DLG2: variants seen among roughly 807,000 people sequenced by gnomAD.
DLG2 encodes disks large homolog 2.
A neutral mutation model predicts 132.5 loss-of-function variants in DLG2; 45 were observed. The ratio of observed to expected loss-of-function variants is 0.34; its 90% CI spans 0.27 to 0.44. DLG2 has a LOEUF of 0.44. DLG2 is among the 20% of genes least tolerant of loss of function. The pLI is 1.00. For missense variants in DLG2, 1,045 were observed against 1,196.9 expected, an observed-to-expected ratio of 0.87 and a Z score of 1.87; for synonymous variants, 424 against 419.6, an observed-to-expected ratio of 1.01 and a Z score of -0.13.
At chr11:85,137,967 C>A (rs961344078) in intron 5 of DLG2, among the ~76,000 whole-genome samples, 1 of 151,846 alleles carries the variant, frequency 6.6e-6, no homozygotes, top group African/African-American at 2.4e-5. Flanking sequence ...AGTAATGGAT[C>A]CCGAAAATAA....
chr11:83,790,099 C>A, intron 17 of DLG2: 1 of 983,560 alleles, frequency 1.0e-6, no homozygotes, highest in Non-Finnish European at 1.5e-6. Flanking sequence ...CCTGCATGAA[C>A]CGAGACACTG....
chr11:83,865,456 C>T (rs377497259), intron 16 of DLG2, among the ~76,000 whole-genome samples: 1,629 of 100,176 alleles, frequency 0.016, 29 homozygotes, highest in African/African-American at 0.069. Context: ...TGGTGAACAG[C>T]GAAAAAAAAA....
intron 6 of DLG2, among the ~76,000 whole-genome samples, chr11:84,929,111 GC>G (rs1432991949): frequency 1.4e-5 from 2 of 147,836 alleles, no homozygotes; most frequent in Non-Finnish European, 3.0e-5. Flanking sequence ...CCTTACATAA[GC>G]CCTAAAGATA....
chr11:83,637,612 T>C (rs1340655009), intron 18 of DLG2, among the ~76,000 whole-genome samples: 1 of 152,172 alleles, frequency 6.6e-6, no homozygotes, highest in African/African-American at 2.4e-5. Flanking sequence ...TTTGTTTCCA[T>C]GACATCATGA....
chr11:83,822,664 G>A (rs554518946), intron 17 of DLG2, among the ~76,000 whole-genome samples: 6 of 152,328 alleles, frequency 3.9e-5, no homozygotes, highest in African/African-American at 1.4e-4. Flanking sequence ...AGTGGCCAGT[G>A]GTGACAGCCC....
chr11:83,552,569 G>A (rs1320338164), intron 19 of DLG2, among the ~76,000 whole-genome samples: 1 of 152,104 alleles, frequency 6.6e-6, no homozygotes, highest in Non-Finnish European at 1.5e-5. Context: ...TAGCACATCT[G>A]CCCACCCCTA....
chr11:85,520,377 C>G (rs755677938), intron 3 of DLG2, among the ~76,000 whole-genome samples: 1 of 152,098 alleles, frequency 6.6e-6, no homozygotes, highest in Non-Finnish European at 1.5e-5. Context: ...ACTCCATGCT[C>G]ATGGATTGGA....
intron 6 of DLG2, among the ~76,000 whole-genome samples, chr11:84,956,411 A>C (rs1343736511): frequency 6.6e-6 from 1 of 152,210 alleles, no homozygotes; most frequent in African/African-American, 2.4e-5. Flanking sequence ...CAGTCCTGCC[A>C]CAAGAGAAGT....
chr11:83,974,065 A>G (rs1290792967), intron 12 of DLG2, among the ~76,000 whole-genome samples: 1 of 152,110 alleles, frequency 6.6e-6, no homozygotes, highest in African/African-American at 2.4e-5. Flanking sequence ...TGTAGGCAAA[A>G]GATCTTTTCA....
intron 18 of DLG2, among the ~76,000 whole-genome samples, chr11:83,657,174 C>A (rs114253671): frequency 3.3e-5 from 5 of 152,172 alleles, no homozygotes; most frequent in African/African-American, 1.2e-4. Context: ...CCAATGAAAA[C>A]GTATTAAACA....
At chr11:85,516,897 A>T (rs1004719843) in intron 3 of DLG2, among the ~76,000 whole-genome samples, 1 of 152,028 alleles carries the variant, frequency 6.6e-6, no homozygotes, top group African/African-American at 2.4e-5. Flanking sequence ...AAATTGAGGG[A>T]AGGAAATCCT....
At chr11:85,578,097 A>G (rs1209962940) in intron 3 of DLG2, among the ~76,000 whole-genome samples, 1 of 152,124 alleles carries the variant, frequency 6.6e-6, no homozygotes, top group Non-Finnish European at 1.5e-5. Flanking sequence ...CACACCTACC[A>G]CAATCTGATC....
intron 7 of DLG2, among the ~76,000 whole-genome samples, chr11:84,438,216 G>A (rs1435771440): frequency 6.6e-6 from 1 of 152,164 alleles, no homozygotes; most frequent in African/African-American, 2.4e-5. Context: ...CCACCAGCCA[G>A]CCTTATCCAC....
rs1051548427 is a variant in DLG2, at chr11:84,273,402, A to T, written c.520-22111T>A. 21 of 1,251,178 alleles carry T rather than the reference A, an allele frequency of 1.7e-5. No homozygotes were observed. The African/African-American group carries it at 3.2e-4, about 19-fold the overall frequency. The allele number at this position is 1,251,178 out of a possible 1,614,324, so 77.5% of individuals were successfully genotyped here. ...ACTGCTATCTTAAGACTTAAAAAAA[A>T]AGTTAATCAGAACATTTCTTTTGGG... On this transcript the variant is annotated intron_variant, in intron 7 of 27. Transcript: ENST00000376104.
intron 13 of DLG2, among the ~76,000 whole-genome samples, chr11:83,964,106 C>T (rs2089618072): frequency 1.3e-5 from 2 of 151,966 alleles, no homozygotes; most frequent in African/African-American, 4.8e-5. Context: ...TATTACCTTA[C>T]AATGTGCCTT....
At chr11:84,484,201 C>A (rs531707373) in intron 7 of DLG2, among the ~76,000 whole-genome samples, 1 of 151,744 alleles carries the variant, frequency 6.6e-6, no homozygotes, top group Non-Finnish European at 1.5e-5. Context: ...TTTACTTTAG[C>A]CAATGAATGT....
chr11:84,568,337 C>T (rs1320100476), intron 6 of DLG2, among the ~76,000 whole-genome samples: 1 of 151,960 alleles, frequency 6.6e-6, no homozygotes, highest in African/African-American at 2.4e-5. Flanking sequence ...GGCGAAACCC[C>T]GTCTCTACTA....
At chr11:84,212,968 T>C (rs923863259) in intron 8 of DLG2, among the ~76,000 whole-genome samples, 38 of 152,080 alleles carry the variant, frequency 2.5e-4, no homozygotes, top group African/African-American at 8.9e-4. Context: ...TTACTTTCAC[T>C]TTTATGAGAC....
chr11:85,191,135 T>C (rs1240416613), intron 4 of DLG2, among the ~76,000 whole-genome samples: 3 of 150,748 alleles, frequency 2.0e-5, no homozygotes, highest in Admixed American at 1.3e-4. Context: ...ATCATTTGTC[T>C]ATATGCATGC....
Sources: gnomAD v4.1 joint callset for allele counts (sites outside exome capture counted in the v4.1 genomes callset) on GRCh38, gnomAD v4.1.1 for gene constraint, MANE v1.5 for transcripts, NCBI Gene and HGNC (gene_info 2026-07-23, HGNC 2026-07-21) for gene names.